Variants in AFF2 observed in about 807,000 individuals in gnomAD.
AFF2 encodes the protein AF4/FMR2 family member 2.
A neutral mutation model predicts 76.9 loss-of-function variants in AFF2; 14 were observed. The observed-to-expected ratio is 0.18, with a 90% CI of 0.12 to 0.28. The LOEUF (loss-of-function observed/expected upper bound fraction) is 0.28. AFF2 is among the 10% of genes least tolerant of loss of function. The probability of loss-of-function intolerance (pLI) is 1.00; values close to 1 mark genes in which losing one functional copy is unlikely to be tolerated. For synonymous variants in AFF2, 398 were observed against 366.7 expected (o/e 1.09, Z -0.98); for missense variants, 868 against 1,001.1 (o/e 0.87, Z 1.79).
intron 1 of AFF2, among the ~76,000 whole-genome samples, chrX:148,587,410 G>A (rs1300626510): frequency 2.7e-5 from 3 of 112,024 alleles, no homozygotes; most frequent in Non-Finnish European, 5.6e-5. Flanking sequence ...ATTAAGCAAA[G>A]TGCCTGTGAC....
intron 3 of AFF2, among the ~76,000 whole-genome samples, chrX:148,695,598 G>T (rs1217394529): frequency 8.9e-6 from 1 of 112,138 alleles, no homozygotes; most frequent in African/African-American, 3.2e-5. Flanking sequence ...CATTAATGTA[G>T]CTAATAAACA....
chrX:148,702,014 T>C (rs2054805281), intron 3 of AFF2, among the ~76,000 whole-genome samples: 1 of 112,292 alleles, frequency 8.9e-6, no homozygotes, highest in African/African-American at 3.2e-5. Context: ...TATTTTGACA[T>C]TTATATTTTT....
rs1557293504 is a variant in AFF2 at position 148,997,564 on chromosome X, T to C, written c.*6232T>C. On this transcript the variant is annotated 3_prime_UTR_variant, in exon 21 of 21. Coordinates refer to ENST00000370460, the MANE Select transcript of AFF2 (RefSeq NM_002025.4). The stretch of plus-strand genomic sequence containing the variant: ...GGAGATCCATGTCTTACTCGCTCTT[T>C]CTGGCCCTTCTGTCTTTTGCCTCTG... The C allele has an allele frequency of 8.9e-6, 1 of 112,582 alleles. No homozygotes were observed. The highest frequency in any genetic ancestry group is 1.9e-5 in the Non-Finnish European group (1 of 53,368). The allele number at this position is 112,582 out of a possible 1,213,427, so 9.3% of individuals were successfully genotyped here. A position where few individuals can be genotyped will look rare whatever the true frequency, so the allele number is the denominator to read the frequency against.
chrX:148,761,200 C>T (rs1303934154), intron 3 of AFF2, among the ~76,000 whole-genome samples: 7 of 111,738 alleles, frequency 6.3e-5, no homozygotes, highest in African/African-American at 1.3e-4. Context: ...TATAGCTGGA[C>T]GAAAGTATGG....
At chrX:148,528,626 C>T (rs2052692167) in intron 1 of AFF2, among the ~76,000 whole-genome samples, 1 of 111,413 alleles carries the variant, frequency 9.0e-6, no homozygotes, top group Non-Finnish European at 1.9e-5. Flanking sequence ...GAAGTGCCTT[C>T]CCATTTACAT....
chrX:148,773,340 A>G (rs1201497474), intron 3 of AFF2, among the ~76,000 whole-genome samples: 1 of 110,845 alleles, frequency 9.0e-6, no homozygotes, highest in Non-Finnish European at 1.9e-5. Flanking sequence ...AGGTCTGAAA[A>G]TAATAGTGAC....
intron 1 of AFF2, among the ~76,000 whole-genome samples, chrX:148,613,177 G>A (rs976863396): frequency 3.6e-5 from 4 of 111,554 alleles, no homozygotes; most frequent in Admixed American, 9.5e-5. Context: ...CCCACTTATC[G>A]TTAAATCCTT....
At chrX:148,586,452 A>G (rs1242823136) in intron 1 of AFF2, among the ~76,000 whole-genome samples, 1 of 112,061 alleles carries the variant, frequency 8.9e-6, no homozygotes, top group Admixed American at 9.5e-5. Context: ...ATAAGTATAC[A>G]TTATTACAAG....
intron 1 of AFF2, among the ~76,000 whole-genome samples, chrX:148,504,587 T>A (rs2052387356): frequency 8.9e-6 from 1 of 112,785 alleles, no homozygotes; most frequent in South Asian, 3.6e-4. Context: ...AATAGAAAGT[T>A]CAAAGGTCTG....
chrX:148,722,800 A>G (rs2055109400), intron 3 of AFF2, among the ~76,000 whole-genome samples: 1 of 111,070 alleles, frequency 9.0e-6, no homozygotes, highest in Non-Finnish European at 1.9e-5. Flanking sequence ...CCACTGTAGC[A>G]TCTCAACTGC....
At chrX:148,572,047 C>A (rs868966546) in intron 1 of AFF2, among the ~76,000 whole-genome samples, 39 of 96,325 alleles carry the variant, frequency 4.0e-4, no homozygotes, top group Admixed American at 5.7e-4. Context: ...CCAGAAAAGA[C>A]AAAAAAAAAA....
At chrX:148,890,262 G>C (rs1183422693) in intron 8 of AFF2, among the ~76,000 whole-genome samples, 1 of 112,014 alleles carries the variant, frequency 8.9e-6, no homozygotes, top group East Asian at 2.8e-4. Context: ...TATGGCATTG[G>C]GAAAGTTGTT....
intron 3 of AFF2, among the ~76,000 whole-genome samples, chrX:148,728,147 G>A (rs1181102977): frequency 1.8e-5 from 2 of 112,544 alleles, no homozygotes; most frequent in Non-Finnish European, 3.8e-5. Context: ...TGCTGCCACA[G>A]CGTCATCGGG....
At chrX:148,704,709 T>G (rs960905644) in intron 3 of AFF2, among the ~76,000 whole-genome samples, 1 of 107,178 alleles carries the variant, frequency 9.3e-6, no homozygotes, top group Non-Finnish European at 1.9e-5. Flanking sequence ...GTACTTTTAG[T>G]AGAGATGGGG....
Position 148,966,778 on chromosome X carries a change from C to A in AFF2, c.2914-12C>A, listed in dbSNP as rs782474883. ...GGACCTAATGGAAACTATTTGTCCT[C>A]CTTTTTCCCAGGAGGGAGACACTCC... On this transcript the variant is annotated splice_polypyrimidine_tract_variant and intron_variant, in intron 13 of 20. Transcript: ENST00000370460. 1 of 1,207,806 alleles carries A rather than the reference C, an allele frequency of 8.3e-7. No homozygotes were observed. Among genetic ancestry groups the A allele is most frequent in the East Asian group, 3.0e-5 (1 of 33,735 alleles).
In AFF2 at chrX:148,999,516, T is replaced by C. The variant is rs2072649889; in HGVS notation, c.*8184T>C. 1 of 111,939 alleles carries C rather than the reference T, an allele frequency of 8.9e-6. No individual in the cohort carries two copies. Among genetic ancestry groups the C allele is most frequent in the Non-Finnish European group, 1.9e-5 (1 of 53,235 alleles). The allele number at this position is 111,939 out of a possible 1,213,427, so 9.2% of individuals were successfully genotyped here. ...CATATGCTTTGTGTGTGGGGATGCTTACCAACACCATGTCGCTGGACCATT... is the reference window on the plus strand; with the variant it reads ...CATATGCTTTGTGTGTGGGGATGCTCACCAACACCATGTCGCTGGACCATT... On this transcript the variant is annotated 3_prime_UTR_variant, in exon 21 of 21. Coordinates refer to ENST00000370460, the MANE Select transcript of AFF2 (RefSeq NM_002025.4).
At chrX:148,900,034 A>G (rs1186490228) in intron 8 of AFF2, among the ~76,000 whole-genome samples, 4 of 110,689 alleles carry the variant, frequency 3.6e-5, no homozygotes, top group African/African-American at 1.3e-4. Context: ...CTATTTATAC[A>G]TGTCTATTGG....
intron 1 of AFF2, among the ~76,000 whole-genome samples, chrX:148,649,688 C>T (rs1477288161): frequency 3.6e-5 from 4 of 112,166 alleles, no homozygotes; most frequent in African/African-American, 6.5e-5. Context: ...GCTAAAGCAC[C>T]GAAAGTGCCC....
chrX:148,802,493 GA>G (rs782449581), intron 3 of AFF2, among the ~76,000 whole-genome samples: 16 of 112,094 alleles, frequency 1.4e-4, no homozygotes, highest in Non-Finnish European at 3.0e-4. Flanking sequence ...ATTGATAAAA[GA>G]AAAAGTTAGT....
Sources: gnomAD v4.1 joint callset for allele counts (sites outside exome capture counted in the v4.1 genomes callset) on GRCh38, gnomAD v4.1.1 for gene constraint, MANE v1.5 for transcripts, NCBI Gene and HGNC (gene_info 2026-07-23, HGNC 2026-07-21) for gene names.